The following SEPTIN9 variants were observed in gnomAD, a reference collection of about 807,000 sequenced individuals.
SEPTIN9 encodes septin-9.
A neutral mutation model predicts 56.6 loss-of-function variants in SEPTIN9; 13 were observed. That is an observed-to-expected ratio of 0.23 (90% CI 0.15 to 0.37). The LOEUF (loss-of-function observed/expected upper bound fraction) is 0.37, where lower values mean the gene tolerates loss of function less well. SEPTIN9 is among the 10% of genes least tolerant of loss of function. SEPTIN9 has a pLI of 1.00. For missense variants in SEPTIN9, 650 were observed against 823.1 expected (o/e 0.79, Z 2.57); for synonymous variants, 332 against 334.1 (o/e 0.99, Z 0.07).
At position 77,323,984 on chromosome 17, in the gene SEPTIN9, C is replaced by T. The variant is rs1416192939; in HGVS notation, c.76+16787C>T. On this transcript the variant is annotated intron_variant, in intron 2 of 11. Transcript: ENST00000427177. The surrounding 1 kb of genome is among the most constrained non-coding windows in gnomAD (Gnocchi z 6.8). ...TCTGGAGGCCAGAAGTCCGAAATCA[C>T]GGCATCAGCAGGCCTGGTTCTTTCC... 3.9e-5 allele frequency among the ~76,000 whole-genome samples: 6 copies of T among 152,224 alleles called. No homozygotes were observed. The highest frequency in any genetic ancestry group is 6.5e-5 in the Admixed American group (1 of 15,294).
At chr17:77,299,804 T>A (rs1006922442) in intron 1 of SEPTIN9, among the ~76,000 whole-genome samples, 1 of 152,172 alleles carries the variant, frequency 6.6e-6, no homozygotes, top group Non-Finnish European at 1.5e-5. Flanking sequence ...AGGTATGAGC[T>A]GATCTCACCT....
At chr17:77,452,594 T>A (rs1598397634) in intron 3 of SEPTIN9, among the ~76,000 whole-genome samples, 1 of 152,078 alleles carries the variant, frequency 6.6e-6, no homozygotes, top group Non-Finnish European at 1.5e-5. Context: ...TTCTGGCAGG[T>A]CTGTTCGGGG....
At chr17:77,452,311 C>G (rs1001671235) in intron 3 of SEPTIN9, among the ~76,000 whole-genome samples, 1 of 152,198 alleles carries the variant, frequency 6.6e-6, no homozygotes, top group African/African-American at 2.4e-5. Flanking sequence ...ATGCAGCCAA[C>G]GGGGTGGTCC....
intron 3 of SEPTIN9, among the ~76,000 whole-genome samples, chr17:77,465,794 C>T (rs1314194366): frequency 6.6e-6 from 1 of 151,998 alleles, no homozygotes; most frequent in Non-Finnish European, 1.5e-5. Flanking sequence ...GAGCCACTTG[C>T]AGCTAGTTGC....
intron 10 of SEPTIN9, among the ~76,000 whole-genome samples, chr17:77,496,866 TC>T (rs1303866046): frequency 1.3e-5 from 2 of 152,202 alleles, no homozygotes; most frequent in African/African-American, 4.8e-5. Context: ...TTCTTTAAAA[TC>T]CCAGCTCCGA....
At chr17:77,490,071 A>G (rs1428725815) in intron 7 of SEPTIN9, among the ~76,000 whole-genome samples, 2 of 152,182 alleles carry the variant, frequency 1.3e-5, no homozygotes, top group African/African-American at 4.8e-5. Flanking sequence ...GGTCCCGCCC[A>G]AGGCGTCCAG....
chr17:77,487,594 C>T lies in SEPTIN9; in HGVS notation c.1042+42C>T, dbSNP rs145874273. 1 of 1,594,530 alleles carries T rather than the reference C, an allele frequency of 6.3e-7. No individual in the cohort carries two copies. Among genetic ancestry groups the T allele is most frequent in the East Asian group, 2.2e-5 (1 of 44,528 alleles). ...GGGCTGGGGGTGCAGGACGCCCCTG[C>T]CTTCCTGGAGCACAGGGGTTGGGGG... On this transcript the variant is annotated intron_variant, in intron 5 of 11. Transcript: ENST00000427177. This position sits in a 1 kb window ranked among gnomAD's most constrained non-coding sequence, Gnocchi z 4.3.
At chr17:77,377,745 C>T (rs2034983686) in intron 2 of SEPTIN9, among the ~76,000 whole-genome samples, 1 of 152,210 alleles carries the variant, frequency 6.6e-6, no homozygotes, top group Admixed American at 6.5e-5. Context: ...TGCCTCTTTC[C>T]TCTCTAGAGA....
Position 77,319,499 on chromosome 17 carries a change from G to A in SEPTIN9, c.76+12302G>A. On this transcript the variant is annotated intron_variant, in intron 2 of 11. Transcript: ENST00000427177. The surrounding 1 kb of genome is among the most constrained non-coding windows in gnomAD (Gnocchi z 5.3). ...CCCGTCCCGTTCGCCCTCTCTGCCT[G>A]GGCGGGGACGGCAACTGCCTCTGTC... The A allele has an allele frequency of 2.9e-6, 3 of 1,021,698 alleles. No homozygotes were observed. Among genetic ancestry groups the A allele is most frequent in the Non-Finnish European group, 2.4e-6 (2 of 847,196 alleles). The allele number at this position is 1,021,698 out of a possible 1,614,324, so 63.3% of individuals were successfully genotyped here.
At chr17:77,347,348 A>C (rs1030169370) in intron 2 of SEPTIN9, among the ~76,000 whole-genome samples, 1 of 151,462 alleles carries the variant, frequency 6.6e-6, no homozygotes, top group Non-Finnish European at 1.5e-5. Context: ...ATTGTACTCC[A>C]GCCTGGGCAA....
Position 77,317,413 on chromosome 17 carries a change from C to T in SEPTIN9, c.76+10216C>T, listed in dbSNP as rs2032751090. ...CAGTCACTCCCCATTGCTCGCATTA[C>T]TGCCCAAGCTCTGCCTCCTGTCTGA... is the stretch of plus-strand genomic sequence containing the variant. On this transcript the variant is annotated intron_variant, in intron 2 of 11. Coordinates refer to ENST00000427177, the MANE Select transcript of SEPTIN9 (RefSeq NM_001113491.2). The surrounding 1 kb of genome is among the most constrained non-coding windows in gnomAD (Gnocchi z 4.2). 6.6e-6 allele frequency among the ~76,000 whole-genome samples: 1 copy of T among 152,258 alleles called. No individual in the cohort carries two copies. The highest frequency in any genetic ancestry group is 6.5e-5 in the Admixed American group (1 of 15,288).
chr17:77,464,062 A>C (rs934482712), intron 3 of SEPTIN9, among the ~76,000 whole-genome samples: 2 of 147,934 alleles, frequency 1.4e-5, no homozygotes, highest in Non-Finnish European at 1.5e-5. Context: ...CAATTTAAAA[A>C]ATTTTTTTTC....
chr17:77,316,779 TCA>T (rs1394338028), intron 2 of SEPTIN9, among the ~76,000 whole-genome samples: 2 of 151,582 alleles, frequency 1.3e-5, no homozygotes, highest in African/African-American at 2.4e-5. Flanking sequence ...CAATTATAGC[TCA>T]CAGCAGCCTC....
chr17:77,294,103 C>CA (rs376507344), intron 1 of SEPTIN9, among the ~76,000 whole-genome samples: 1,319 of 115,788 alleles, frequency 0.011, 14 homozygotes, highest in African/African-American at 0.035. Flanking sequence ...GACCATGTCT[C>CA]AAAAAAAAAA....
chr17:77,378,773 C>G (rs529707607), intron 2 of SEPTIN9, among the ~76,000 whole-genome samples: 1 of 152,266 alleles, frequency 6.6e-6, no homozygotes, highest in South Asian at 2.1e-4. Flanking sequence ...ATTCTGGAGG[C>G]TGGCGTCATG....
chr17:77,339,266 G>C (rs55864301), intron 2 of SEPTIN9, among the ~76,000 whole-genome samples: 5 of 152,124 alleles, frequency 3.3e-5, no homozygotes, highest in Non-Finnish European at 5.9e-5. Flanking sequence ...ACTTTGCCCA[G>C]ATCCATTAGA....
At chr17:77,393,846 A>G (rs181687642) in intron 2 of SEPTIN9, among the ~76,000 whole-genome samples, 1 of 152,186 alleles carries the variant, frequency 6.6e-6, no homozygotes, top group East Asian at 1.9e-4. Context: ...TCAGCCTCCC[A>G]AAGTGTTAGG....
intron 2 of SEPTIN9, among the ~76,000 whole-genome samples, chr17:77,332,300 C>CAAA (rs11454652): frequency 6.6e-6 from 1 of 150,566 alleles, no homozygotes; most frequent in Non-Finnish European, 1.5e-5. Context: ...AACAAAACCA[C>CAAA]AAAAAAGAAA....
At chr17:77,396,852 C>G (rs1468148640) in intron 2 of SEPTIN9, 1 of 153,042 alleles carries the variant, frequency 6.5e-6, no homozygotes, top group Admixed American at 6.5e-5. Context: ...CCGATGACTT[C>G]TCCAACCATC....
Sources: allele counts gnomAD v4.1 joint callset (sites outside exome capture counted in the v4.1 genomes callset), GRCh38; gene constraint gnomAD v4.1.1; non-coding constraint Gnocchi (gnomAD v3.1); transcripts MANE v1.5; gene names NCBI Gene and HGNC (gene_info 2026-07-23, HGNC 2026-07-21).